FHIP2A: variants seen among roughly 807,000 people sequenced by gnomAD.
The protein encoded by FHIP2A is family with sequence similarity 160 member B1.
A neutral mutation model predicts 93.5 loss-of-function variants in FHIP2A; 46 were observed. That is an observed-to-expected ratio of 0.49 (90% CI 0.39 to 0.63). The LOEUF is 0.63. Among genes scored for constraint, FHIP2A ranks in the 20% least tolerant of loss-of-function variants. FHIP2A has a pLI of 0.00. For synonymous variants in FHIP2A, 332 were observed against 326.5 expected, an observed-to-expected ratio of 1.02 and a Z score of -0.18; for missense variants, 769 against 909.7, an observed-to-expected ratio of 0.85 and a Z score of 1.99.
At chr10:114,870,296 G>A (rs949492056) in intron 16 of FHIP2A, among the ~76,000 whole-genome samples, 3 of 152,120 alleles carry the variant, frequency 2.0e-5, no homozygotes, top group African/African-American at 7.2e-5. Context: ...TATATTTAAA[G>A]ACCTTGCTTT....
rs748788290 is a variant in FHIP2A, at chr10:114,855,227, T to C, written c.1834T>C (p.Trp612Arg). The part of the protein sequence containing the change: ...FRDYCAICLR[W>R]EWPGSPKALE... ...AGACTACTGTGCTATCTGCTTAAGA[T>C]GGGAGTGGCCTGGGTCTCCAAAAGC... Residue 612 changes from tryptophan (W) to arginine (R), a missense_variant, in exon 14 of 17, where the codon TGG (tryptophan) becomes CGG (arginine). Coordinates refer to ENST00000369248, the MANE Select transcript of FHIP2A (RefSeq NM_020940.4). 6.2e-7 allele frequency: 1 copy of C among 1,614,096 alleles called. No homozygotes were observed. Among genetic ancestry groups the C allele is most frequent in the Non-Finnish European group, 8.5e-7 (1 of 1,179,972 alleles).
intron 16 of FHIP2A, among the ~76,000 whole-genome samples, chr10:114,880,320 C>T (rs1320769324): frequency 6.6e-6 from 1 of 152,166 alleles, no homozygotes; most frequent in Non-Finnish European, 1.5e-5. Context: ...TATTAAAAGC[C>T]ATTGAACCAT....
At chr10:114,852,865 T>A (rs1265316912) in intron 13 of FHIP2A, among the ~76,000 whole-genome samples, 1 of 152,204 alleles carries the variant, frequency 6.6e-6, no homozygotes, top group African/African-American at 2.4e-5. Context: ...AATATAACAT[T>A]TACGTGCATT....
chr10:114,857,174 A>T (rs528938772), intron 14 of FHIP2A, among the ~76,000 whole-genome samples: 43 of 152,266 alleles, frequency 2.8e-4, no homozygotes, highest in South Asian at 1.7e-3. Context: ...AACGTGGTAT[A>T]GTCTGATCTC....
Position 114,870,188 on chromosome 10 carries a change from T to G in FHIP2A, c.2192+8854T>G, listed in dbSNP as rs376142250. Reference sequence around the variant, plus strand: ...GTAATCAATCATTCAACTAATACCATTAACTTCTTCTAACAGAGATGCTGA... The same window carrying G: ...GTAATCAATCATTCAACTAATACCAGTAACTTCTTCTAACAGAGATGCTGA... On this transcript the variant is annotated intron_variant, in intron 16 of 16. Coordinates refer to the FHIP2A transcript ENST00000369250. Among the ~76,000 whole-genome samples the G allele has an allele frequency of 3.6e-4, 55 of 152,270 alleles. 1 individual carries two copies. In the East Asian group the frequency reaches 7.5e-3, roughly 21 times the overall value.
In FHIP2A at chr10:114,846,138, T is replaced by C. The variant is rs753217422; in HGVS notation, c.1206-37T>C. On this transcript the variant is annotated intron_variant, in intron 9 of 16. Transcript: ENST00000369248. ...AAAAAACCGCATCACTGTGTCATGT[T>C]ATTTTTGCCCACTGACTACCTGTTC... 4.3e-6 allele frequency: 7 copies of C among 1,613,268 alleles called. No individual in the cohort carries two copies. The South Asian group carries it at 4.4e-5, about 10-fold the overall frequency.
In FHIP2A at chr10:114,845,475, C is replaced by T; in HGVS notation, c.1122C>T (p.Ala374=). 1.9e-6 allele frequency: 3 copies of T among 1,590,038 alleles called. No homozygotes were observed. Among genetic ancestry groups the T allele is most frequent in the Non-Finnish European group, 2.6e-6 (3 of 1,163,594 alleles). The change falls in exon 8 of 17, where the codon GCC becomes GCT. Residue 374 remains alanine (A), a synonymous_variant. Transcript: ENST00000369248. ...ATTGTGATCAGCTCATTAAGGAAGCCCAAAAGGTTTGTAATTTTTTATTGT... is the reference window on the plus strand; with the variant it reads ...ATTGTGATCAGCTCATTAAGGAAGCTCAAAAGGTTTGTAATTTTTTATTGT... ...FDYCDQLIKE[A]QKTAAVALAK...
chr10:114,883,800 G>A (rs369478249), intron 16 of FHIP2A, among the ~76,000 whole-genome samples: 87 of 152,190 alleles, frequency 5.7e-4, no homozygotes, highest in African/African-American at 2.1e-3. Flanking sequence ...GGCTGGTCTC[G>A]AACTCCCGAC....
chr10:114,861,452 T>C lies in FHIP2A; in HGVS notation c.2210T>C (p.Leu737Pro). ...CTTACCAGTATTGACCACATCACAC[T>C]GCTAGAGGGTGTGATTGTGTTAGAA... Reference protein sequence around the residue: ...PEGPIIDHITLLEGVIVLEEF... With the variant: ...PEGPIIDHITPLEGVIVLEEF... Residue 737 changes from leucine to proline, a missense_variant, in exon 17 of 17, where the codon CTG (leucine) becomes CCG (proline). By Grantham distance (98) the Leu-to-Pro change is moderately conservative. Transcript: ENST00000369248. The C allele has an allele frequency of 1.2e-6, 2 of 1,614,108 alleles. No homozygotes were observed. The highest frequency in any genetic ancestry group is 1.7e-6 in the Non-Finnish European group (2 of 1,179,982).
chr10:114,878,059 AG>A (rs2083898026), intron 16 of FHIP2A, among the ~76,000 whole-genome samples: 1 of 152,188 alleles, frequency 6.6e-6, no homozygotes, highest in South Asian at 2.1e-4. Flanking sequence ...AAAATTATCT[AG>A]AATCCCTCTA....
At chr10:114,896,037 T>C (rs114996108) in intron 16 of FHIP2A, among the ~76,000 whole-genome samples, 1,554 of 152,230 alleles carry the variant, frequency 0.01, 36 homozygotes, top group African/African-American at 0.036. Context: ...GGGTGACTTG[T>C]GCCACTGAGC....
At position 114,861,691 on chromosome 10, in the gene FHIP2A, G is replaced by A; in HGVS notation, c.*151G>A. 7.1e-7 allele frequency: 1 copy of A among 1,414,332 alleles called. No individual in the cohort carries two copies. The highest frequency in any genetic ancestry group is 9.2e-7 in the Non-Finnish European group (1 of 1,088,722). 87.6% of individuals were successfully genotyped at this position (1,414,332 alleles called of 1,614,324 possible). On this transcript the variant is annotated 3_prime_UTR_variant, in exon 17 of 17. Coordinates refer to ENST00000369248, the MANE Select transcript of FHIP2A (RefSeq NM_020940.4). The stretch of plus-strand genomic sequence containing the variant: ...AGAACCATTAAGAACCTATTGAGTG[G>A]ACATTCTTGGTGAAATGTTGTATAA...
At chr10:114,847,561 A>G (rs532622857) in intron 12 of FHIP2A, among the ~76,000 whole-genome samples, 1 of 152,198 alleles carries the variant, frequency 6.6e-6, no homozygotes, top group African/African-American at 2.4e-5. Context: ...AGTGTATAAC[A>G]TGTAAGAGCT....
chr10:114,859,480 C>G (rs1023482697), intron 14 of FHIP2A, among the ~76,000 whole-genome samples: 11 of 152,200 alleles, frequency 7.2e-5, no homozygotes, highest in Non-Finnish European at 1.5e-4. Context: ...GGTCCTGACT[C>G]CCTCTTCCCT....
At chr10:114,849,955 C>A (rs2083725066) in intron 13 of FHIP2A, among the ~76,000 whole-genome samples, 2 of 152,162 alleles carry the variant, frequency 1.3e-5, no homozygotes, top group Non-Finnish European at 2.9e-5. Context: ...TGCATCAGTA[C>A]TTCCTTTTCT....
At chr10:114,823,639 C>T (rs186013146) in intron 1 of FHIP2A, among the ~76,000 whole-genome samples, 1 of 150,422 alleles carries the variant, frequency 6.6e-6, no homozygotes, top group Non-Finnish European at 1.5e-5. Flanking sequence ...GGATTACAGG[C>T]ACCCGCCACC....
Position 114,887,549 on chromosome 10 carries a change from C to T in FHIP2A, c.2193-11941C>T, listed in dbSNP as rs546399137. Among the ~76,000 whole-genome samples the T allele has an allele frequency of 7.2e-5, 11 of 152,342 alleles. No homozygotes were observed. In the South Asian group the frequency reaches 2.3e-3, roughly 32 times the overall value. ...TAGGAAGTGGTAGAAGCAGACCTGA[C>T]CCTAGGCAGTGTGGCTGTGAAGTCT... On this transcript the variant is annotated intron_variant, in intron 16 of 16. Transcript: ENST00000369250.
chr10:114,892,030 T>C (rs980060661), intron 16 of FHIP2A, among the ~76,000 whole-genome samples: 10 of 152,040 alleles, frequency 6.6e-5, no homozygotes, highest in African/African-American at 2.4e-4. Context: ...AGAAACAATA[T>C]TAACCACAAA....
Position 114,843,745 on chromosome 10 carries a change from G to A in FHIP2A, c.821G>A (p.Gly274Asp). Residue 274 changes from glycine to aspartate, a missense_variant, in exon 7 of 17, where the codon GGC (glycine) becomes GAC (aspartate). Physicochemically the swap from Gly to Asp is moderately conservative, Grantham distance 94. Coordinates refer to ENST00000369248, the MANE Select transcript of FHIP2A (RefSeq NM_020940.4). ...SLLNLTRSPD[G>D]RIAVKACEGL... ...GGGGATTTTTTTTTCCTTTAGGATG[G>A]CAGAATAGCTGTGAAGGCATGTGAA... is the stretch of plus-strand genomic sequence containing the variant. 1 of 1,527,046 alleles carries A rather than the reference G, an allele frequency of 6.5e-7. No homozygotes were observed. The highest frequency in any genetic ancestry group is 8.8e-7 in the Non-Finnish European group (1 of 1,142,762). 94.6% of individuals were successfully genotyped at this position (1,527,046 alleles called of 1,614,324 possible).
Sources: allele counts gnomAD v4.1 joint callset (sites outside exome capture counted in the v4.1 genomes callset), GRCh38; gene constraint gnomAD v4.1.1; transcripts MANE v1.5; gene names NCBI Gene and HGNC (gene_info 2026-07-23, HGNC 2026-07-21).